The following UBXN7 variants were observed in gnomAD, a reference collection of about 807,000 sequenced individuals.
The protein encoded by UBXN7 is UBX domain protein 7.
Under a neutral mutation model 58.0 loss-of-function variants are expected in UBXN7, and 9 were observed. That is an observed-to-expected ratio of 0.16 (90% CI 0.09 to 0.27). UBXN7 has a LOEUF of 0.27. Ranked by LOEUF, UBXN7 falls within the 10% of genes least tolerant of loss-of-function variation. The pLI is 1.00. For missense variants in UBXN7, 328 were observed against 599.6 expected, an observed-to-expected ratio of 0.55 and a Z score of 4.73; for synonymous variants, 208 against 205.0, an observed-to-expected ratio of 1.01 and a Z score of -0.12.
At chr3:196,408,054 C>A (rs1488129850) in intron 1 of UBXN7, among the ~76,000 whole-genome samples, 1 of 143,842 alleles carries the variant, frequency 7.0e-6, no homozygotes, top group South Asian at 2.2e-4. Flanking sequence ...GCCGAAGTCA[C>A]GCCACTGCAC....
At chr3:196,402,446 T>C (rs1454463518) in intron 3 of UBXN7, among the ~76,000 whole-genome samples, 1 of 152,218 alleles carries the variant, frequency 6.6e-6, no homozygotes, top group African/African-American at 2.4e-5. Context: ...CACAAACTCT[T>C]TGGCTTACAA....
At chr3:196,401,271 AAAAATATAT>A (rs1729959171) in intron 3 of UBXN7, among the ~76,000 whole-genome samples, 1 of 88,210 alleles carries the variant, frequency 1.1e-5, no homozygotes, top group Non-Finnish European at 2.1e-5. Flanking sequence ...AAAAAAAAAA[AAAAATATAT>A]ATATATATAT....
At chr3:196,398,599 A>G (rs1729851443) in intron 3 of UBXN7, among the ~76,000 whole-genome samples, 1 of 152,124 alleles carries the variant, frequency 6.6e-6, no homozygotes, top group African/African-American at 2.4e-5. Context: ...GGTACAAAAA[A>G]TTTTCTAAAA....
chr3:196,394,355 C>G (rs575166233), intron 3 of UBXN7, among the ~76,000 whole-genome samples: 2 of 148,920 alleles, frequency 1.3e-5, no homozygotes, highest in South Asian at 4.2e-4. Flanking sequence ...GTAATCCCAG[C>G]ATTTTGGGAA....
chr3:196,361,011 C>A (rs1458583067), intron 10 of UBXN7, among the ~76,000 whole-genome samples: 3 of 151,998 alleles, frequency 2.0e-5, no homozygotes, highest in Non-Finnish European at 4.4e-5. Context: ...TGAATCTGGG[C>A]AAAGTAAACT....
At chr3:196,422,282 G>A (rs192172426) in intron 1 of UBXN7, among the ~76,000 whole-genome samples, 2 of 151,900 alleles carry the variant, frequency 1.3e-5, no homozygotes, top group African/African-American at 4.8e-5. Context: ...AGGAGTTTGA[G>A]ACCAACCTAG....
chr3:196,414,432 T>C (rs183996747), intron 1 of UBXN7, among the ~76,000 whole-genome samples: 1 of 152,314 alleles, frequency 6.6e-6, no homozygotes, highest in Non-Finnish European at 1.5e-5. Flanking sequence ...GTATTGCTGA[T>C]TGAAAAAGTT....
At chr3:196,393,813 A>G in intron 3 of UBXN7, 194 bp from the exon 4 acceptor site, 3 of 421,600 alleles carry the variant, frequency 7.1e-6, no homozygotes, top group South Asian at 8.2e-5. Context: ...CAGCGAGCAC[A>G]GTATTTCTTG....
chr3:196,432,227 A>C lies in UBXN7; in HGVS notation c.73+100T>G, dbSNP rs1331967743. On this transcript the variant is annotated intron_variant, in intron 1 of 10. Transcript: ENST00000296328. ...GAGGGAGGACGGCAGCTGTGGGTAAAGCCCGAAGGAGGAATGCCTGAAGGT... is the reference window on the plus strand; with the variant it reads ...GAGGGAGGACGGCAGCTGTGGGTAACGCCCGAAGGAGGAATGCCTGAAGGT... 4.0e-6 allele frequency: 6 copies of C among 1,505,272 alleles called. No homozygotes were observed. The South Asian group carries it at 7.0e-5, about 18-fold the overall frequency. 93.2% of individuals were successfully genotyped at this position (1,505,272 alleles called of 1,614,324 possible). A position where few individuals can be genotyped will look rare whatever the true frequency, so the allele number is the denominator to read the frequency against.
chr3:196,373,173 T>C (rs1284621585), intron 5 of UBXN7, among the ~76,000 whole-genome samples: 1 of 152,258 alleles, frequency 6.6e-6, no homozygotes, highest in Non-Finnish European at 1.5e-5. Context: ...TATGCTGTTT[T>C]GGAGAATCAC....
intron 2 of UBXN7, 118 bp downstream of exon 2, chr3:196,407,128 C>A: frequency 7.2e-7 from 1 of 1,398,472 alleles, no homozygotes. Flanking sequence ...CATACTTTTT[C>A]AGAGGCTTTC....
chr3:196,393,484 A>G (rs1202339775), intron 4 of UBXN7, 70 bp downstream of exon 4: 2 of 1,452,284 alleles, frequency 1.4e-6, no homozygotes, highest in African/African-American at 2.9e-5. Flanking sequence ...ATTGGGCCTA[A>G]TAGTAATCAT....
At chr3:196,369,667 G>C (rs1046839611) in intron 6 of UBXN7, among the ~76,000 whole-genome samples, 156 bp from the exon 7 acceptor site, 1 of 152,102 alleles carries the variant, frequency 6.6e-6, no homozygotes, top group African/African-American at 2.4e-5. Context: ...AATCTGGTTT[G>C]AACTCCTTCA....
intron 4 of UBXN7, among the ~76,000 whole-genome samples, chr3:196,392,821 T>C (rs888854070): frequency 1.3e-5 from 2 of 151,654 alleles, no homozygotes; most frequent in African/African-American, 4.8e-5. Context: ...ATAGTAATAA[T>C]AAAAAAAAGA....
intron 5 of UBXN7, among the ~76,000 whole-genome samples, chr3:196,390,122 G>A (rs1729531059): frequency 2.6e-5 from 4 of 151,970 alleles, no homozygotes; most frequent in Non-Finnish European, 5.9e-5. Context: ...GGGAGGTTAA[G>A]ACCAGGGGAT....
intron 3 of UBXN7, among the ~76,000 whole-genome samples, chr3:196,394,830 C>A (rs1457002709): frequency 1.3e-5 from 2 of 152,156 alleles, no homozygotes; most frequent in South Asian, 2.1e-4. Flanking sequence ...AGACAAAAAA[C>A]ATCTTTAATT....
intron 6 of UBXN7, among the ~76,000 whole-genome samples, chr3:196,370,214 A>C (rs1321352029): frequency 6.6e-6 from 1 of 151,190 alleles, no homozygotes; most frequent in African/African-American, 2.4e-5. Flanking sequence ...GAGGCAGAGG[A>C]CAGCTTGAGG....
chr3:196,376,976 G>T (rs1729048237), intron 5 of UBXN7, among the ~76,000 whole-genome samples: 1 of 151,224 alleles, frequency 6.6e-6, no homozygotes, highest in Non-Finnish European at 1.5e-5. Flanking sequence ...AACCCAGGAA[G>T]TTGGGGCTGC....
At chr3:196,381,971 C>T (rs1729221376) in intron 5 of UBXN7, among the ~76,000 whole-genome samples, 1 of 152,040 alleles carries the variant, frequency 6.6e-6, no homozygotes. Flanking sequence ...ACAAAGCCTC[C>T]AAGAAATATG....
Sources: allele counts gnomAD v4.1 joint callset (sites outside exome capture counted in the v4.1 genomes callset), GRCh38; gene constraint gnomAD v4.1.1; transcripts MANE v1.5; gene names NCBI Gene and HGNC (gene_info 2026-07-23, HGNC 2026-07-21).